CHN2: variants seen among roughly 807,000 people sequenced by gnomAD.
The protein encoded by CHN2 is chimerin 2.
In CHN2, 35 loss-of-function variants were observed where a neutral mutation model predicts 56.3. That is an observed-to-expected ratio of 0.62 (90% confidence interval 0.47 to 0.82). The LOEUF (loss-of-function observed/expected upper bound fraction) is 0.82. Ranked by LOEUF, CHN2 falls within the 40% of genes least tolerant of loss-of-function variation. The probability of loss-of-function intolerance (pLI) is 0.00; values close to 1 mark genes in which losing one functional copy is unlikely to be tolerated. For synonymous variants in CHN2, 210 were observed against 212.8 expected (o/e 0.99, Z 0.12); for missense variants, 491 against 580.5 (o/e 0.85, Z 1.58).
At chr7:29,506,161 TG>T (rs1790538978) in intron 10 of CHN2, among the ~76,000 whole-genome samples, 2 of 152,098 alleles carry the variant, frequency 1.3e-5, no homozygotes, top group Admixed American at 6.5e-5. Flanking sequence ...TTGTTAGAAA[TG>T]GTAAGAAATA....
intron 1 of CHN2, among the ~76,000 whole-genome samples, chr7:29,274,861 C>T (rs1208497189): frequency 1.3e-5 from 2 of 152,160 alleles, no homozygotes; most frequent in Non-Finnish European, 2.9e-5. Context: ...AGGATGGTGT[C>T]TGTAGATTCA....
intron 1 of CHN2, among the ~76,000 whole-genome samples, chr7:29,303,796 A>G (rs1254010192): frequency 6.6e-6 from 1 of 152,190 alleles, no homozygotes; most frequent in African/African-American, 2.4e-5. Context: ...ATGGTGGCTC[A>G]CGCTTGTAAT....
At chr7:29,390,039 G>C (rs543466818) in intron 3 of CHN2, among the ~76,000 whole-genome samples, 149 of 128,268 alleles carry the variant, frequency 1.2e-3, no homozygotes, top group African/African-American at 4.0e-3. Context: ...GGGCAACAGA[G>C]CGAGACACTG....
chr7:29,262,377 AC>A (rs1182126721), intron 1 of CHN2, among the ~76,000 whole-genome samples: 4 of 152,224 alleles, frequency 2.6e-5, no homozygotes, highest in Admixed American at 2.0e-4. Context: ...TGTGTCACTT[AC>A]AAAAGTAACC....
intron 2 of CHN2, among the ~76,000 whole-genome samples, chr7:29,164,221 A>T (rs1446265916): frequency 6.6e-6 from 1 of 152,126 alleles, no homozygotes; most frequent in African/African-American, 2.4e-5. Context: ...CGTGATTTAA[A>T]CTTGAATTTT....
intron 1 of CHN2, among the ~76,000 whole-genome samples, chr7:29,215,379 A>G (rs908788543): frequency 1.6e-4 from 24 of 152,100 alleles, no homozygotes; most frequent in African/African-American, 5.6e-4. Flanking sequence ...GGCACTCCCA[A>G]CTTCTCATTC....
At chr7:29,166,640 A>C (rs1795952849) in intron 2 of CHN2, among the ~76,000 whole-genome samples, 1 of 152,136 alleles carries the variant, frequency 6.6e-6, no homozygotes, top group African/African-American at 2.4e-5. Context: ...GTTGTCAAAT[A>C]TTATGGCAAA....
intron 1 of CHN2, among the ~76,000 whole-genome samples, chr7:29,334,859 G>T (rs1466881015): frequency 6.6e-6 from 1 of 152,200 alleles, no homozygotes; most frequent in South Asian, 2.1e-4. Context: ...GGAGTGGGAA[G>T]GTCAAATGCA....
chr7:29,392,161 T>C (rs749274034), intron 3 of CHN2, among the ~76,000 whole-genome samples: 1 of 152,240 alleles, frequency 6.6e-6, no homozygotes, highest in Non-Finnish European at 1.5e-5. Flanking sequence ...TTTGCCATTA[T>C]ATATCCTCAA....
rs1045732315 is a variant in CHN2 at position 29,426,886 on chromosome 7, G to A, written c.576+26058G>A. On this transcript the variant is annotated intron_variant, in intron 6 of 12. Coordinates refer to ENST00000222792, the MANE Select transcript of CHN2 (RefSeq NM_004067.4). The stretch of plus-strand genomic sequence containing the variant: ...CCGCTGGGGACTGGCCATTGCTCCC[G>A]GTGGCTCCCATCTTCCTTCTCACAT... 1.8e-4 allele frequency among the ~76,000 whole-genome samples: 27 copies of A among 152,254 alleles called. 1 individual carries two copies. Among genetic ancestry groups the A allele is most frequent in the African/African-American group, 3.1e-4 (13 of 41,546 alleles).
chr7:29,461,503 A>T (rs142703824), intron 6 of CHN2, among the ~76,000 whole-genome samples: 1 of 152,348 alleles, frequency 6.6e-6, no homozygotes, highest in African/African-American at 2.4e-5. Flanking sequence ...AGACTTGTTT[A>T]TTTTCAGGCA....
intron 6 of CHN2, among the ~76,000 whole-genome samples, chr7:29,436,948 T>C (rs1176716705): frequency 2.2e-5 from 3 of 137,040 alleles, no homozygotes; most frequent in East Asian, 3.9e-4. Flanking sequence ...TTAAAATTAA[T>C]AATAATAATA....
intron 6 of CHN2, chr7:29,480,078 G>A: frequency 6.4e-7 from 1 of 1,550,430 alleles, no homozygotes; most frequent in Non-Finnish European, 8.7e-7. Context: ...GGGCTCTGCA[G>A]AGCAAACTGG....
intron 11 of CHN2, among the ~76,000 whole-genome samples, chr7:29,507,864 G>A (rs1403476571): frequency 6.6e-6 from 1 of 152,066 alleles, no homozygotes; most frequent in African/African-American, 2.4e-5. Flanking sequence ...TTACAAATTT[G>A]TGCTGGGCCA....
At chr7:29,318,456 T>C (rs1795113859) in intron 1 of CHN2, among the ~76,000 whole-genome samples, 1 of 152,110 alleles carries the variant, frequency 6.6e-6, no homozygotes, top group Non-Finnish European at 1.5e-5. Flanking sequence ...TAGAGAGGTC[T>C]GGAATGGAGA....
intron 1 of CHN2, among the ~76,000 whole-genome samples, chr7:29,243,062 G>A (rs866367911): frequency 2.0e-5 from 3 of 151,992 alleles, no homozygotes; most frequent in East Asian, 1.9e-4. Context: ...GACATATTTT[G>A]TGTTTTCTGT....
chr7:29,172,710 C>T lies in CHN2; in HGVS notation c.274+25750C>T, dbSNP rs533622496. Among the ~76,000 whole-genome samples the T allele has an allele frequency of 8.6e-4, 131 of 152,158 alleles. 1 individual carries two copies. Among genetic ancestry groups the T allele is most frequent in the Middle Eastern group, 3.4e-3 (1 of 294 alleles). On this transcript the variant is annotated intron_variant, in intron 2 of 6. Transcript: ENST00000439384. The stretch of plus-strand genomic sequence containing the variant: ...TTTTGACATACAGTCATCTGACCAA[C>T]GATTTCAAGAATCATTAATGTTAAT...
chr7:29,499,225 T>A (rs1311639935), intron 8 of CHN2, among the ~76,000 whole-genome samples: 1 of 152,150 alleles, frequency 6.6e-6, no homozygotes, highest in Non-Finnish European at 1.5e-5. Context: ...TTATAAACTC[T>A]CAAGTACTCC....
intron 1 of CHN2, among the ~76,000 whole-genome samples, chr7:29,283,164 A>T (rs1231022800): frequency 6.6e-6 from 1 of 152,152 alleles, no homozygotes; most frequent in East Asian, 1.9e-4. Context: ...ATTCCTGCAT[A>T]ACAGTACCTT....
Sources: gnomAD v4.1 joint callset for allele counts (sites outside exome capture counted in the v4.1 genomes callset) on GRCh38, gnomAD v4.1.1 for gene constraint, MANE v1.5 for transcripts, NCBI Gene and HGNC (gene_info 2026-07-23, HGNC 2026-07-21) for gene names.